The following SLC9A9 variants were observed in gnomAD, a reference collection of about 807,000 sequenced individuals.
The protein encoded by SLC9A9 is sodium/hydrogen exchanger 9.
Under a neutral mutation model 77.8 loss-of-function variants are expected in SLC9A9, and 62 were observed. The observed-to-expected ratio is 0.80, with a 90% CI of 0.65 to 0.98. The LOEUF (loss-of-function observed/expected upper bound fraction) is 0.98, where lower values mean the gene tolerates loss of function less well. Among genes scored for constraint, SLC9A9 ranks in the 50% least tolerant of loss-of-function variants. The pLI, the probability that SLC9A9 is intolerant of heterozygous loss-of-function variation, is 0.00. For synonymous variants in SLC9A9, 320 were observed against 283.5 expected (o/e 1.13, Z -1.29); for missense variants, 775 against 774.9 (o/e 1.00, Z 0.00).
chr3:143,384,943 G>A (rs2293329), intron 12 of SLC9A9, among the ~76,000 whole-genome samples: 126,147 of 152,158 alleles, frequency 0.83, 52,443 homozygotes, highest in African/African-American at 0.86. Context: ...GATATTAGCT[G>A]CTTTTGAGGA....
Position 143,552,345 on chromosome 3 carries a change from T to C in SLC9A9, c.1089+17A>G. The stretch of plus-strand genomic sequence containing the variant: ...CTGAGAAAAGAGACCAAGTCTGTAG[T>C]AAATTTTTTCTTTTACCTGTTTAGT... On this transcript the variant is annotated intron_variant, in intron 9 of 15. Coordinates refer to ENST00000316549, the MANE Select transcript of SLC9A9 (RefSeq NM_173653.4). 6.3e-7 allele frequency: 1 copy of C among 1,589,390 alleles called. No individual in the cohort carries two copies. The highest frequency in any genetic ancestry group is 1.3e-5 in the African/African-American group (1 of 74,456).
intron 4 of SLC9A9, among the ~76,000 whole-genome samples, chr3:143,709,674 C>A (rs974893503): frequency 6.6e-6 from 1 of 152,106 alleles, no homozygotes; most frequent in Non-Finnish European, 1.5e-5. Context: ...GGCCTCCCTG[C>A]TGATTTGTGG....
At chr3:143,601,653 C>T (rs1260775218) in intron 6 of SLC9A9, among the ~76,000 whole-genome samples, 2 of 152,208 alleles carry the variant, frequency 1.3e-5, no homozygotes, top group Non-Finnish European at 2.9e-5. Context: ...ACCCTCCCAC[C>T]TCTGGTGCCA....
intron 12 of SLC9A9, among the ~76,000 whole-genome samples, chr3:143,450,213 A>G (rs12490008): frequency 0.25 from 34,506 of 136,072 alleles, 4,589 homozygotes; most frequent in East Asian, 0.48. Context: ...TATAAATAAT[A>G]AGATAAATAT....
intron 2 of SLC9A9, among the ~76,000 whole-genome samples, chr3:143,820,480 C>G (rs2009138123): frequency 6.6e-6 from 1 of 152,202 alleles, no homozygotes; most frequent in Admixed American, 6.5e-5. Context: ...GTTTCCTACC[C>G]CTGGACCTAG....
chr3:143,304,397 C>A (rs2030681780), intron 14 of SLC9A9, among the ~76,000 whole-genome samples: 1 of 152,210 alleles, frequency 6.6e-6, no homozygotes, highest in Non-Finnish European at 1.5e-5. Context: ...TCTGGTTAGA[C>A]ATGGGATGTA....
intron 12 of SLC9A9, among the ~76,000 whole-genome samples, chr3:143,419,561 G>A (rs1011856771): frequency 2.0e-5 from 3 of 151,870 alleles, no homozygotes; most frequent in African/African-American, 4.8e-5. Flanking sequence ...TCTTCCCCAC[G>A]TCACTAAGGA....
At chr3:143,371,069 A>C (rs1345348286) in intron 13 of SLC9A9, among the ~76,000 whole-genome samples, 2 of 152,100 alleles carry the variant, frequency 1.3e-5, no homozygotes, top group African/African-American at 4.8e-5. Flanking sequence ...AACTGCACAG[A>C]GAGGACACCC....
chr3:143,645,032 C>T (rs1024619006), intron 6 of SLC9A9, among the ~76,000 whole-genome samples: 2 of 152,138 alleles, frequency 1.3e-5, no homozygotes, highest in Non-Finnish European at 2.9e-5. Context: ...ATTGGAGGAG[C>T]ACTAATGAGG....
rs763435166 is a variant in SLC9A9 at position 143,382,102 on chromosome 3, G to T, written c.1482C>A (p.Asp494Glu). Reference protein sequence around the residue: ...LTWLQIRVGVDLDENLKEDPS... With the variant: ...LTWLQIRVGVELDENLKEDPS... ...GGTCCTCCTTCAGATTTTCATCCAG[G>T]TCCACGCCAACTCTGTTAAACAAAA... is the stretch of plus-strand genomic sequence containing the variant. The change falls in exon 13 of 16, where the codon GAC becomes GAA. Residue 494 changes from aspartate (D) to glutamate (E), a missense_variant. Transcript: ENST00000316549. The T allele has an allele frequency of 3.7e-6, 6 of 1,613,894 alleles. No homozygotes were observed. In the African/African-American group the frequency reaches 8.0e-5, roughly 22 times the overall value.
At chr3:143,315,519 A>T (rs961739949) in intron 14 of SLC9A9, among the ~76,000 whole-genome samples, 1 of 152,208 alleles carries the variant, frequency 6.6e-6, no homozygotes, top group African/African-American at 2.4e-5. Flanking sequence ...CACACAGAAT[A>T]AGTCCGTAGC....
At chr3:143,532,212 G>T (rs1374497669) in intron 9 of SLC9A9, among the ~76,000 whole-genome samples, 1 of 152,122 alleles carries the variant, frequency 6.6e-6, no homozygotes, top group Non-Finnish European at 1.5e-5. Context: ...TGGCTCTCTG[G>T]GGGGACAGGG....
intron 14 of SLC9A9, among the ~76,000 whole-genome samples, chr3:143,358,538 T>C (rs1373865873): frequency 2.6e-5 from 4 of 152,218 alleles, no homozygotes; most frequent in South Asian, 2.1e-4. Flanking sequence ...TTTATGGGGC[T>C]AATTTATACA....
chr3:143,572,013 G>T (rs1389704288), intron 8 of SLC9A9, among the ~76,000 whole-genome samples: 1 of 152,150 alleles, frequency 6.6e-6, no homozygotes, highest in African/African-American at 2.4e-5. Flanking sequence ...TCGGGGGTGA[G>T]TCTGCCCCTC....
intron 5 of SLC9A9, among the ~76,000 whole-genome samples, chr3:143,660,292 G>T (rs2038959710): frequency 6.6e-6 from 1 of 152,216 alleles, no homozygotes; most frequent in African/African-American, 2.4e-5. Context: ...AAGTTGGGAA[G>T]ATCCCAAGTG....
At chr3:143,416,828 T>C (rs2108524242) in intron 12 of SLC9A9, among the ~76,000 whole-genome samples, 1 of 152,316 alleles carries the variant, frequency 6.6e-6, no homozygotes, top group South Asian at 2.1e-4. Context: ...TATGTGTACA[T>C]ATGTGTGTAT....
At position 143,811,065 on chromosome 3, in the gene SLC9A9, G is replaced by C. The variant is rs114377926; in HGVS notation, c.379-14162C>G. ...AGAACCATGCTCTCCTGCCTCCCCCGGGGGCAGTGGACCAGAGTTCCCCAA... is the reference window on the plus strand; with the variant it reads ...AGAACCATGCTCTCCTGCCTCCCCCCGGGGCAGTGGACCAGAGTTCCCCAA... On this transcript the variant is annotated intron_variant, in intron 2 of 15. Coordinates refer to ENST00000316549, the MANE Select transcript of SLC9A9 (RefSeq NM_173653.4). Among the ~76,000 whole-genome samples the C allele has an allele frequency of 9.1e-3, 1,389 of 152,200 alleles. 20 individuals are homozygous for C. The highest frequency in any genetic ancestry group is 0.031 in the African/African-American group (1,304 of 41,508).
chr3:143,799,311 C>T (rs2008483105), intron 2 of SLC9A9, among the ~76,000 whole-genome samples: 2 of 152,200 alleles, frequency 1.3e-5, no homozygotes, highest in East Asian at 1.9e-4. Context: ...CCTCTCCCAA[C>T]ATTAAGTAAA....
intron 6 of SLC9A9, among the ~76,000 whole-genome samples, chr3:143,587,286 C>T (rs56156039): frequency 0.1 from 15,362 of 152,216 alleles, 1,437 homozygotes; most frequent in African/African-American, 0.25. Context: ...TTCCTTACAT[C>T]TCAGTGGAGA....
Sources: gnomAD v4.1 joint callset for allele counts (sites outside exome capture counted in the v4.1 genomes callset) on GRCh38, gnomAD v4.1.1 for gene constraint, MANE v1.5 for transcripts, NCBI Gene and HGNC (gene_info 2026-07-23, HGNC 2026-07-21) for gene names.